Variants in PTPRD observed in about 807,000 individuals in gnomAD.
The protein encoded by PTPRD is receptor-type tyrosine-protein phosphatase delta.
PTPRD carries 34 observed loss-of-function variants against 214.5 expected under a neutral mutation model. The observed-to-expected ratio is 0.16, with a 90% CI of 0.12 to 0.21. PTPRD has a LOEUF of 0.21. Among genes scored for constraint, PTPRD ranks in the 10% least tolerant of loss-of-function variants. The probability of loss-of-function intolerance (pLI) is 1.00; values close to 1 mark genes in which losing one functional copy is unlikely to be tolerated. For synonymous variants in PTPRD, 1,128 were observed against 845.7 expected, an observed-to-expected ratio of 1.33 and a Z score of -5.79; for missense variants, 2,545 against 2,398.7, an observed-to-expected ratio of 1.06 and a Z score of -1.27.
At chr9:8,650,500 G>A (rs911919403) in intron 12 of PTPRD, among the ~76,000 whole-genome samples, 16 of 145,366 alleles carry the variant, frequency 1.1e-4, no homozygotes, top group Non-Finnish European at 1.9e-4. Flanking sequence ...ACTCCAGCCT[G>A]GGCAAAAAGA....
intron 10 of PTPRD, among the ~76,000 whole-genome samples, chr9:9,145,958 CCTT>C (rs1468982025): frequency 6.6e-6 from 1 of 152,192 alleles, no homozygotes; most frequent in Non-Finnish European, 1.5e-5. Flanking sequence ...CTGAAGATGT[CCTT>C]CATGAAGAAC....
intron 10 of PTPRD, among the ~76,000 whole-genome samples, chr9:9,060,479 T>C (rs1271106043): frequency 2.0e-5 from 3 of 152,082 alleles, no homozygotes; most frequent in Non-Finnish European, 4.4e-5. Flanking sequence ...ACATTAAACA[T>C]AAAAAATTAG....
intron 3 of PTPRD, among the ~76,000 whole-genome samples, chr9:10,123,939 A>G (rs911962228): frequency 6.6e-6 from 1 of 152,224 alleles, no homozygotes; most frequent in African/African-American, 2.4e-5. Context: ...TCATGTTACT[A>G]GTAAGCATGT....
intron 10 of PTPRD, among the ~76,000 whole-genome samples, chr9:9,181,408 A>T (rs2099928119): frequency 6.6e-6 from 1 of 151,896 alleles, no homozygotes; most frequent in South Asian, 2.1e-4. Flanking sequence ...AACTGCTAAA[A>T]TATGCTGCCT....
intron 11 of PTPRD, among the ~76,000 whole-genome samples, chr9:8,951,389 C>T (rs2099101471): frequency 7.0e-6 from 1 of 143,766 alleles, no homozygotes; most frequent in Non-Finnish European, 1.5e-5. Flanking sequence ...AGTCTTTCTT[C>T]TCTTTCCTCC....
chr9:10,240,828 G>A (rs1328500853), intron 3 of PTPRD, among the ~76,000 whole-genome samples: 1 of 151,664 alleles, frequency 6.6e-6, no homozygotes, highest in African/African-American at 2.4e-5. Flanking sequence ...TTTGAATCAT[G>A]AACTACAAAA....
intron 14 of PTPRD, among the ~76,000 whole-genome samples, chr9:8,569,623 C>A (rs2090503244): frequency 6.6e-6 from 1 of 152,030 alleles, no homozygotes; most frequent in African/African-American, 2.4e-5. Flanking sequence ...TCACACCTTG[C>A]AATTTGGCTT....
At chr9:8,493,101 C>G in intron 26 of PTPRD, 122 bp from the exon 27 acceptor site, 3 of 775,118 alleles carry the variant, frequency 3.9e-6, no homozygotes, top group Non-Finnish European at 6.4e-6. Context: ...ATGCTAAGCC[C>G]TGGAAATTTC....
chr9:8,846,683 T>G (rs1012249972), intron 11 of PTPRD, among the ~76,000 whole-genome samples: 8 of 152,108 alleles, frequency 5.3e-5, no homozygotes, highest in Admixed American at 3.9e-4. Flanking sequence ...GTGGTACATC[T>G]GGGAAACAGC....
At chr9:9,826,246 T>C (rs1479169848) in intron 5 of PTPRD, among the ~76,000 whole-genome samples, 1 of 151,896 alleles carries the variant, frequency 6.6e-6, no homozygotes. Context: ...TGTTTGCTCT[T>C]ATCTTCTTTC....
intron 9 of PTPRD, among the ~76,000 whole-genome samples, chr9:9,389,025 CTGACTT>C (rs2064892188): frequency 6.6e-6 from 1 of 152,102 alleles, no homozygotes; most frequent in Admixed American, 6.5e-5. Context: ...GGGATTGTCT[CTGACTT>C]TGGGCAAGTA....
At chr9:9,803,661 T>C (rs916004362) in intron 5 of PTPRD, 22 of 152,006 alleles carry the variant, frequency 1.4e-4, no homozygotes, top group African/African-American at 5.1e-4. Context: ...ATGATGTCTG[T>C]GAGGAGAAAA....
Position 8,459,539 on chromosome 9 carries a change from T to G in PTPRD, c.3875+872A>C, listed in dbSNP as rs574953719. On this transcript the variant is annotated intron_variant, in intron 33 of 45. Coordinates refer to ENST00000381196, the MANE Select transcript of PTPRD (RefSeq NM_002839.4). Reference sequence around the variant, plus strand: ...GTTCATATTTATATTATAATTATATTCTTAAGACAGAAAGAATTTATAAGA... The same window carrying G: ...GTTCATATTTATATTATAATTATATGCTTAAGACAGAAAGAATTTATAAGA... 2.0e-5 allele frequency among the ~76,000 whole-genome samples: 3 copies of G among 152,066 alleles called. No individual in the cohort carries two copies. The East Asian group carries it at 5.8e-4, about 29-fold the overall frequency.
chr9:9,922,065 A>G (rs1329098459), intron 5 of PTPRD, among the ~76,000 whole-genome samples: 2 of 152,134 alleles, frequency 1.3e-5, no homozygotes, highest in African/African-American at 4.8e-5. Flanking sequence ...GGGCTGAGAA[A>G]GTACTGCCTA....
chr9:9,950,273 C>T (rs926648027), intron 4 of PTPRD, among the ~76,000 whole-genome samples: 1 of 152,142 alleles, frequency 6.6e-6, no homozygotes, highest in African/African-American at 2.4e-5. Context: ...GCTGTGAATT[C>T]TTGTTTAGAC....
chr9:9,717,569 A>C (rs998043560), intron 7 of PTPRD, among the ~76,000 whole-genome samples: 2 of 152,208 alleles, frequency 1.3e-5, no homozygotes, highest in African/African-American at 4.8e-5. Context: ...AGTGTTTAAC[A>C]AGTTAGTTTT....
At chr9:8,581,289 G>C (rs2093057322) in intron 14 of PTPRD, among the ~76,000 whole-genome samples, 2 of 152,052 alleles carry the variant, frequency 1.3e-5, no homozygotes, top group African/African-American at 4.8e-5. Flanking sequence ...GCAGAAATTA[G>C]CAATAGGTAA....
intron 14 of PTPRD, among the ~76,000 whole-genome samples, chr9:8,626,859 G>C (rs1197960335): frequency 6.6e-6 from 1 of 151,496 alleles, no homozygotes; most frequent in African/African-American, 2.4e-5. Flanking sequence ...GAAACTTCTT[G>C]GCCTCATTAA....
At chr9:9,399,662 T>C (rs2069393172) in intron 8 of PTPRD, among the ~76,000 whole-genome samples, 1 of 152,062 alleles carries the variant, frequency 6.6e-6, no homozygotes, top group Admixed American at 6.6e-5. Flanking sequence ...GTCTTTCCCA[T>C]GTGGTTCTCA....
Sources: gnomAD v4.1 joint callset for allele counts (sites outside exome capture counted in the v4.1 genomes callset) on GRCh38, gnomAD v4.1.1 for gene constraint, MANE v1.5 for transcripts, NCBI Gene and HGNC (gene_info 2026-07-23, HGNC 2026-07-21) for gene names.